The following NRG3 variants were observed in gnomAD, a reference collection of about 807,000 sequenced individuals.
The protein encoded by NRG3 is pro-neuregulin-3, membrane-bound isoform.
NRG3 carries 31 observed loss-of-function variants against 66.9 expected under a neutral mutation model. The ratio of observed to expected loss-of-function variants is 0.46; its 90% confidence interval spans 0.35 to 0.63. NRG3 has a LOEUF of 0.63. NRG3 is among the 20% of genes least tolerant of loss of function. NRG3 has a pLI of 0.00. For synonymous variants in NRG3, 393 were observed against 359.4 expected, an observed-to-expected ratio of 1.09 and a Z score of -1.06; for missense variants, 910 against 878.9, an observed-to-expected ratio of 1.04 and a Z score of -0.45.
chr10:82,570,284 G>A (rs548599596), intron 2 of NRG3, among the ~76,000 whole-genome samples: 1 of 151,652 alleles, frequency 6.6e-6, no homozygotes, highest in African/African-American at 2.4e-5. Flanking sequence ...CAATGTGTTG[G>A]CATCTACTTC....
chr10:82,423,811 C>T (rs762532577), intron 2 of NRG3, among the ~76,000 whole-genome samples: 6 of 151,964 alleles, frequency 3.9e-5, no homozygotes, highest in East Asian at 1.9e-4. Flanking sequence ...AGTCTACATT[C>T]GCCCATTTTC....
At chr10:82,395,107 A>T (rs925366909) in intron 2 of NRG3, among the ~76,000 whole-genome samples, 2 of 152,200 alleles carry the variant, frequency 1.3e-5, no homozygotes, top group African/African-American at 2.4e-5. Context: ...TGTCACCACC[A>T]TGAGAAGAAC....
intron 1 of NRG3, chr10:82,232,149 A>AC (rs934775419): frequency 6.6e-6 from 1 of 152,110 alleles, no homozygotes; most frequent in African/African-American, 2.4e-5. Flanking sequence ...TTCTCTCAAA[A>AC]CCCCCAAGTC....
intron 2 of NRG3, among the ~76,000 whole-genome samples, chr10:82,518,866 C>A (rs2132520131): frequency 6.6e-6 from 1 of 152,218 alleles, no homozygotes; most frequent in South Asian, 2.1e-4. Context: ...ATCTACCTAC[C>A]AGCCTGAACA....
At chr10:82,056,574 A>G (rs950858288) in intron 1 of NRG3, among the ~76,000 whole-genome samples, 1 of 152,208 alleles carries the variant, frequency 6.6e-6, no homozygotes, top group Non-Finnish European at 1.5e-5. Flanking sequence ...TGACAGGAAC[A>G]GTGTAGATGT....
chr10:82,264,482 G>A (rs969241068), intron 1 of NRG3, among the ~76,000 whole-genome samples: 2 of 151,870 alleles, frequency 1.3e-5, no homozygotes, highest in African/African-American at 2.4e-5. Flanking sequence ...TACAATTGAA[G>A]GTGAGATTTG....
chr10:82,626,376 C>T (rs74146129), intron 2 of NRG3, among the ~76,000 whole-genome samples: 3,467 of 152,130 alleles, frequency 0.023, 128 homozygotes, highest in African/African-American at 0.078. Flanking sequence ...TCTCAGTACA[C>T]CCTGGGGAAA....
intron 2 of NRG3, among the ~76,000 whole-genome samples, chr10:82,398,130 C>T (rs1247077031): frequency 6.6e-6 from 1 of 151,968 alleles, no homozygotes; most frequent in East Asian, 1.9e-4. Flanking sequence ...TTGCAGGGCT[C>T]GCTGGAGTGG....
At chr10:82,858,063 T>C (rs1185028989) in intron 3 of NRG3, among the ~76,000 whole-genome samples, 2 of 152,206 alleles carry the variant, frequency 1.3e-5, no homozygotes, top group Non-Finnish European at 2.9e-5. Flanking sequence ...GCCAAAGAGA[T>C]TGGATCTGGC....
intron 1 of NRG3, among the ~76,000 whole-genome samples, chr10:82,357,784 A>G (rs2083878163): frequency 6.6e-6 from 1 of 152,228 alleles, no homozygotes; most frequent in Non-Finnish European, 1.5e-5. Context: ...TGGGAGACAC[A>G]TTAAAACAAG....
chr10:82,420,272 C>T (rs1035343725), intron 2 of NRG3, among the ~76,000 whole-genome samples: 44 of 152,080 alleles, frequency 2.9e-4, no homozygotes, highest in African/African-American at 1.1e-3. Flanking sequence ...TTGAAACATT[C>T]AGTAATACCA....
chr10:81,912,776 C>T (rs1395665587), intron 1 of NRG3, among the ~76,000 whole-genome samples: 1 of 152,192 alleles, frequency 6.6e-6, no homozygotes, highest in Non-Finnish European at 1.5e-5. Flanking sequence ...GAGAGCTTGG[C>T]TCACTCATGC....
chr10:82,610,697 C>T (rs961128438), intron 2 of NRG3, among the ~76,000 whole-genome samples: 7 of 152,048 alleles, frequency 4.6e-5, no homozygotes, highest in Admixed American at 4.6e-4. Flanking sequence ...ACAAAGTCAC[C>T]CTTACTCATT....
chr10:82,919,704 C>A, intron 4 of NRG3, among the ~76,000 whole-genome samples: 1 of 152,094 alleles, frequency 6.6e-6, no homozygotes, highest in East Asian at 1.9e-4. Context: ...AAATGTAGAT[C>A]AGAAAGACTT....
At chr10:82,472,224 A>T (rs1207707716) in intron 2 of NRG3, among the ~76,000 whole-genome samples, 1 of 152,230 alleles carries the variant, frequency 6.6e-6, no homozygotes, top group African/African-American at 2.4e-5. Context: ...AGCCTGGGGC[A>T]TTGAACACAT....
At chr10:82,826,063 T>C (rs2062191533) in intron 3 of NRG3, among the ~76,000 whole-genome samples, 1 of 152,206 alleles carries the variant, frequency 6.6e-6, no homozygotes, top group South Asian at 2.1e-4. Flanking sequence ...AAGGAAAAAG[T>C]GTAAGAGATT....
intron 2 of NRG3, among the ~76,000 whole-genome samples, chr10:82,661,874 C>A (rs192968194): frequency 2.3e-4 from 35 of 152,272 alleles, no homozygotes; most frequent in African/African-American, 8.4e-4. Flanking sequence ...AAACAGAGAC[C>A]CTTGGGTCAT....
intron 2 of NRG3, among the ~76,000 whole-genome samples, chr10:82,675,279 T>C (rs369292820): frequency 2.0e-5 from 3 of 152,054 alleles, no homozygotes; most frequent in East Asian, 1.9e-4. Flanking sequence ...AAAGATTGTT[T>C]GGGGGAAGTG....
chr10:82,598,326 G>C (rs1434066260), intron 2 of NRG3, among the ~76,000 whole-genome samples: 2 of 152,170 alleles, frequency 1.3e-5, no homozygotes, highest in Non-Finnish European at 2.9e-5. Context: ...ATGGAAGGCA[G>C]TTTTATGTAA....
Sources: gnomAD v4.1 joint callset for allele counts (sites outside exome capture counted in the v4.1 genomes callset) on GRCh38, gnomAD v4.1.1 for gene constraint, MANE v1.5 for transcripts, NCBI Gene and HGNC (gene_info 2026-07-23, HGNC 2026-07-21) for gene names.